Variants in TLN1 observed in about 807,000 individuals in gnomAD.
The protein encoded by TLN1 is talin 1.
TLN1 carries 56 observed loss-of-function variants against 292.3 expected under a neutral mutation model. The ratio of observed to expected loss-of-function variants is 0.19; its 90% CI spans 0.15 to 0.24. The LOEUF (loss-of-function observed/expected upper bound fraction) is 0.24. Among genes scored for constraint, TLN1 ranks in the 10% least tolerant of loss-of-function variants. The probability of loss-of-function intolerance (pLI) is 1.00; values close to 1 mark genes in which losing one functional copy is unlikely to be tolerated. For missense variants in TLN1, 2,433 were observed against 3,248.2 expected, an observed-to-expected ratio of 0.75 and a Z score of 6.10; for synonymous variants, 1,119 against 1,253.7, an observed-to-expected ratio of 0.89 and a Z score of 2.27.
rs770585429 is a variant in TLN1 at position 35,711,668 on chromosome 9, C to T, written c.3806G>A (p.Arg1269Gln). ...ASRGTPQDLA[R>Q]ASGRFGQDFS... ...GTCCTGTCCAAATCGGCCTGAGGCT[C>T]GAGCCAGGTCCTGAGGGGTTCCCCG... Residue 1269 changes from arginine to glutamine, a missense_variant, in exon 29 of 57, where the codon CGA becomes CAA. This residue lies in a region of TLN1 where 1,384 missense variants were observed against 1,699.6 expected (regional missense o/e 0.81). Coordinates refer to ENST00000314888, the MANE Select transcript of TLN1 (RefSeq NM_006289.4). 21 of 1,614,058 alleles carry T rather than the reference C, an allele frequency of 1.3e-5. No homozygotes were observed. Among genetic ancestry groups the T allele is most frequent in the East Asian group, 1.1e-4 (5 of 44,898 alleles).
chr9:35,729,891 T>C (rs1005241446), intron 1 of TLN1, among the ~76,000 whole-genome samples: 2 of 151,888 alleles, frequency 1.3e-5, no homozygotes, highest in Non-Finnish European at 2.9e-5. Context: ...GAGTATATGA[T>C]TAGTAGCCAC....
chr9:35,704,862 G>A lies in TLN1; in HGVS notation c.5734-47C>T. ...GATGGATTTTACAAGGGGCACTCAG[G>A]GTACCTTCACTGTGCTTGGAAAAGT... On this transcript the variant is annotated intron_variant, in intron 43 of 56. Coordinates refer to ENST00000314888, the MANE Select transcript of TLN1 (RefSeq NM_006289.4). This position sits in a 1 kb window ranked among gnomAD's most constrained non-coding sequence, Gnocchi z 6.9. 4 of 1,594,732 alleles carry A rather than the reference G, an allele frequency of 2.5e-6. No individual in the cohort carries two copies. Among genetic ancestry groups the A allele is most frequent in the Non-Finnish European group, 3.4e-6 (4 of 1,166,226 alleles).
Position 35,720,053 on chromosome 9 carries a change from G to A in TLN1, c.1450C>T (p.His484Tyr), listed in dbSNP as rs1825854199. Residue 484 changes from histidine to tyrosine, a missense_variant, in exon 13 of 57, where the codon CAC becomes TAC. Around this residue, in one of 7 missense-constraint regions of TLN1, gnomAD observed 617 missense variants for 770.6 expected, o/e 0.80. Coordinates refer to ENST00000314888, the MANE Select transcript of TLN1 (RefSeq NM_006289.4). The stretch of plus-strand genomic sequence containing the variant: ...GGGACACTTACCAGAGGAGGCATGT[G>A]TCCTCGGTGCATCTGGCCGCTGGTA... ...QITSGQMHRG[H>Y]MPPLTSAQQA... 6.3e-7 allele frequency: 1 copy of A among 1,592,894 alleles called. No homozygotes were observed. Among genetic ancestry groups the A allele is most frequent in the Non-Finnish European group, 8.5e-7 (1 of 1,170,072 alleles).
chr9:35,720,632 T>A, intron 11 of TLN1, 123 bp from the exon 12 acceptor site: 1 of 880,464 alleles, frequency 1.1e-6, no homozygotes, highest in Non-Finnish European at 1.6e-6. Flanking sequence ...TCTTTTTCTT[T>A]TTTTTTTTTT....
Position 35,699,897 on chromosome 9 carries a change from C to G in TLN1, c.6768+77G>C. On this transcript the variant is annotated intron_variant, in intron 50 of 56. Transcript: ENST00000314888. This position sits in a 1 kb window ranked among gnomAD's most constrained non-coding sequence, Gnocchi z 4.0. ...GAGGAGATCTGAGCAAAACAGACAGCAGGGTGCGAGGCCTGCAGGAAGAGG... is the reference window on the plus strand; with the variant it reads ...GAGGAGATCTGAGCAAAACAGACAGGAGGGTGCGAGGCCTGCAGGAAGAGG... 7.0e-7 allele frequency: 1 copy of G among 1,429,594 alleles called. No homozygotes were observed. Among genetic ancestry groups the G allele is most frequent in the Non-Finnish European group, 9.6e-7 (1 of 1,043,144 alleles). 88.6% of individuals were successfully genotyped at this position (1,429,594 alleles called of 1,614,324 possible). A position where few individuals can be genotyped will look rare whatever the true frequency, so the allele number is the denominator to read the frequency against.
At position 35,704,745 on chromosome 9, in the gene TLN1, C is replaced by T; in HGVS notation, c.5804G>A (p.Gly1935Asp). Residue 1935 changes from glycine (G) to aspartate (D), a missense_variant, in exon 44 of 57, where the codon GGC becomes GAC. Gly to Asp is a moderately conservative substitution (Grantham distance 94). Transcript: ENST00000314888. The surrounding 1 kb of genome is among the most constrained non-coding windows in gnomAD (Gnocchi z 6.9). The part of the protein sequence containing the change: ...HGCAALVTKA[G>D]ALQCSPSDAY... Reference sequence around the variant, plus strand: ...ATCACTGGGGCTGCACTGCAGGGCGCCTGCCTTGGTGACCAGAGCGGCACA... The same window carrying T: ...ATCACTGGGGCTGCACTGCAGGGCGTCTGCCTTGGTGACCAGAGCGGCACA... The T allele has an allele frequency of 6.2e-7, 1 of 1,614,148 alleles. No individual in the cohort carries two copies. Among genetic ancestry groups the T allele is most frequent in the Non-Finnish European group, 8.5e-7 (1 of 1,180,026 alleles).
At chr9:35,711,191 T>C in intron 30 of TLN1, 64 bp downstream of exon 30, 1 of 1,611,200 alleles carries the variant, frequency 6.2e-7, no homozygotes, top group Non-Finnish European at 8.5e-7. Flanking sequence ...GAAGCTCTCA[T>C]GAACTGCCTG....
Position 35,720,222 on chromosome 9 carries a change from G to T in TLN1, c.1284-3C>A. 6.3e-7 allele frequency: 1 copy of T among 1,577,982 alleles called. No individual in the cohort carries two copies. The highest frequency in any genetic ancestry group is 8.6e-7 in the Non-Finnish European group (1 of 1,163,462). ...ATTGCTGCTGCAGGACTGTTGACCT[G>T]TAGAGGGGTGAACTATTGAGCTCAC... On this transcript the variant is annotated splice_region_variant and splice_polypyrimidine_tract_variant and intron_variant, in intron 12 of 56. Transcript: ENST00000314888.
chr9:35,714,839 G>A lies in TLN1; in HGVS notation c.2792C>T (p.Thr931Ile), dbSNP rs1263375797. Residue 931 changes from threonine (T) to isoleucine (I), a missense_variant, in exon 22 of 57, where the codon ACC (threonine) becomes ATC (isoleucine). Around this residue, in one of 7 missense-constraint regions of TLN1, gnomAD observed 617 missense variants for 770.6 expected, o/e 0.80. Coordinates refer to ENST00000314888, the MANE Select transcript of TLN1 (RefSeq NM_006289.4). This position sits in a 1 kb window ranked among gnomAD's most constrained non-coding sequence, Gnocchi z 4.6. ...GGCTGCGTGCTGAGCTGCAGCGATG[G>A]TCTGTGTGGCTGAGGCTGCAGCCTG... ...AKQAAASATQ[T>I]IAAAQHAAST... The A allele has an allele frequency of 2.5e-6, 4 of 1,572,046 alleles. No individual in the cohort carries two copies. The highest frequency in any genetic ancestry group is 8.6e-7 in the Non-Finnish European group (1 of 1,159,156).
In TLN1 at chr9:35,697,786, C is replaced by A; in HGVS notation, c.*5G>T. The stretch of plus-strand genomic sequence containing the variant: ...CCGGGTCTGCATTAAATAGAAGAGG[C>A]TTCTTTAGTGCTCATCTCGAAGCTC... On this transcript the variant is annotated 3_prime_UTR_variant, in exon 57 of 57. Coordinates refer to ENST00000314888, the MANE Select transcript of TLN1 (RefSeq NM_006289.4). The A allele has an allele frequency of 1.9e-6, 3 of 1,613,958 alleles. No homozygotes were observed. Among genetic ancestry groups the A allele is most frequent in the Non-Finnish European group, 2.5e-6 (3 of 1,179,994 alleles).
Position 35,711,405 on chromosome 9 carries a change from T to C in TLN1, c.3880-11A>G, listed in dbSNP as rs1191710225. 1 of 1,614,166 alleles carries C rather than the reference T, an allele frequency of 6.2e-7. No homozygotes were observed. The highest frequency in any genetic ancestry group is 8.5e-7 in the Non-Finnish European group (1 of 1,180,028). The stretch of plus-strand genomic sequence containing the variant: ...TCGGTCCTCCTGGCTCTGTTGAAGG[T>C]GACAAGGTCAATGCATTGTCCTGTC... On this transcript the variant is annotated splice_polypyrimidine_tract_variant and intron_variant, in intron 29 of 56. Transcript: ENST00000314888.
chr9:35,725,410 A>G, intron 2 of TLN1, 89 bp from the exon 3 acceptor site: 1 of 1,545,138 alleles, frequency 6.5e-7, no homozygotes, highest in South Asian at 1.1e-5. Flanking sequence ...TATTTCTCCC[A>G]TGACCTTGGG....
Position 35,714,354 on chromosome 9 carries a change from G to A in TLN1, c.3005C>T (p.Ala1002Val). ...SFLQPGGKMVAAAKASVPTIQ... is the reference protein window; with the variant it reads ...SFLQPGGKMVVAAKASVPTIQ... ...CGTTGGCACTGAGGCCTTTGCAGCT[G>A]CCACCATCTTCCCACCTGGCTGTTG... The change falls in exon 24 of 57, where the codon GCA (alanine) becomes GTA (valine). Residue 1002 changes from alanine (A) to valine (V), a missense_variant. Around this residue, in one of 7 missense-constraint regions of TLN1, gnomAD observed 617 missense variants for 770.6 expected, o/e 0.80. Transcript: ENST00000314888. The surrounding 1 kb of genome is among the most constrained non-coding windows in gnomAD (Gnocchi z 4.6). The A allele has an allele frequency of 6.2e-7, 1 of 1,611,936 alleles. No homozygotes were observed. The highest frequency in any genetic ancestry group is 8.5e-7 in the Non-Finnish European group (1 of 1,178,854).
intron 20 of TLN1, 79 bp downstream of exon 20, chr9:35,716,311 A>G: frequency 4.6e-6 from 7 of 1,526,208 alleles, no homozygotes; most frequent in Admixed American, 2.0e-5. Flanking sequence ...GGTCTCCCTC[A>G]TCAGATGAGG....
intron 10 of TLN1, among the ~76,000 whole-genome samples, chr9:35,721,114 A>G (rs1222698466): frequency 6.6e-6 from 1 of 152,034 alleles, no homozygotes; most frequent in Non-Finnish European, 1.5e-5. Context: ...TGGCCTCTAC[A>G]CTACACAGTT....
At chr9:35,723,824 T>C in intron 7 of TLN1, 128 bp downstream of exon 7, 1 of 1,415,644 alleles carries the variant, frequency 7.1e-7, no homozygotes, top group African/African-American at 1.4e-5. Flanking sequence ...GGTAGCTATG[T>C]TGGTCAAACC....
In TLN1 at chr9:35,720,805, T is replaced by G. The variant is rs375878880; in HGVS notation, c.1206+7A>C. 1 of 1,613,170 alleles carries G rather than the reference T, an allele frequency of 6.2e-7. No individual in the cohort carries two copies. Among genetic ancestry groups the G allele is most frequent in the East Asian group, 2.2e-5 (1 of 44,880 alleles). On this transcript the variant is annotated splice_region_variant and intron_variant, in intron 11 of 56. Coordinates refer to ENST00000314888, the MANE Select transcript of TLN1 (RefSeq NM_006289.4). ...ATAAGGAGAAGGCTAGGGCAGGCAG[T>G]GCTCACCTTCTTCAGGATGATATCG...
chr9:35,719,369 TCACACACATGTCCACAGAAAGACGCA>T lies in TLN1; in HGVS notation c.1688-113_1688-88del. ...AGGGAGCAAAGTCACACCCAGTTAG[TCACACACATGTCCACAGAAAGACGCA>T]CACACACAGTCCCTTCCACAGTGAG... is the stretch of plus-strand genomic sequence containing the variant. On this transcript the variant is annotated intron_variant, in intron 15 of 56. Coordinates refer to ENST00000314888, the MANE Select transcript of TLN1 (RefSeq NM_006289.4). The surrounding 1 kb of genome is among the most constrained non-coding windows in gnomAD (Gnocchi z 4.6). 7.1e-7 allele frequency: 1 copy of T among 1,404,812 alleles called. No individual in the cohort carries two copies. The highest frequency in any genetic ancestry group is 1.0e-6 in the Non-Finnish European group (1 of 999,724). 87.0% of individuals were successfully genotyped at this position (1,404,812 alleles called of 1,614,324 possible). A position where few individuals can be genotyped will look rare whatever the true frequency, so the allele number is the denominator to read the frequency against.
chr9:35,704,694 T>A lies in TLN1; in HGVS notation c.5855A>T (p.Glu1952Val), dbSNP rs1254797233. Residue 1952 changes from glutamate (E) to valine (V), a missense_variant, in exon 44 of 57, where the codon GAG becomes GTG. This residue lies in a region of TLN1 where 1,384 missense variants were observed against 1,699.6 expected (regional missense o/e 0.81). Coordinates refer to ENST00000314888, the MANE Select transcript of TLN1 (RefSeq NM_006289.4). The surrounding 1 kb of genome is among the most constrained non-coding windows in gnomAD (Gnocchi z 6.9). The stretch of plus-strand genomic sequence containing the variant: ...CTTCTCAGAGACTCTCCGGGCACAC[T>A]CTATGAGCTCCTTCTTGGTGTAGGC... The part of the protein sequence containing the change: ...SDAYTKKELI[E>V]CARRVSEKVS... The A allele has an allele frequency of 5.6e-6, 9 of 1,614,118 alleles. No individual in the cohort carries two copies. Among genetic ancestry groups the A allele is most frequent in the Non-Finnish European group, 7.6e-6 (9 of 1,180,028 alleles).
Sources: allele counts gnomAD v4.1 joint callset (sites outside exome capture counted in the v4.1 genomes callset), GRCh38; gene constraint gnomAD v4.1.1; regional missense constraint gnomAD v4.1.1; non-coding constraint Gnocchi (gnomAD v3.1); transcripts MANE v1.5; gene names NCBI Gene and HGNC (gene_info 2026-07-23, HGNC 2026-07-21).